The following AREL1 variants were observed in gnomAD, a reference collection of about 807,000 sequenced individuals.
AREL1 encodes the protein apoptosis-resistant E3 ubiquitin protein ligase 1.
In AREL1, 62 loss-of-function variants were observed where a neutral mutation model predicts 99.0. That is an observed-to-expected ratio of 0.63 (90% confidence interval 0.51 to 0.77). AREL1 has a LOEUF of 0.77. Among genes scored for constraint, AREL1 ranks in the 30% least tolerant of loss-of-function variants. The pLI is 0.00. For synonymous variants in AREL1, 380 were observed against 376.5 expected (o/e 1.01, Z -0.11); for missense variants, 879 against 1,027.6 (o/e 0.86, Z 1.98).
intron 17 of AREL1, among the ~76,000 whole-genome samples, chr14:74,665,261 CTTTCT>C (rs1330042391): frequency 2.0e-5 from 3 of 148,982 alleles, no homozygotes; most frequent in Non-Finnish European, 3.0e-5. Context: ...TCAGGTATTT[CTTTCT>C]TTTCTTTTTT....
intron 1 of AREL1, among the ~76,000 whole-genome samples, chr14:74,710,022 G>A (rs1424256569): frequency 1.3e-5 from 2 of 152,160 alleles, no homozygotes; most frequent in African/African-American, 4.8e-5. Context: ...CCTCTTGACT[G>A]CTGAGAAGGA....
intron 2 of AREL1, among the ~76,000 whole-genome samples, chr14:74,688,230 T>C (rs1276259101): frequency 6.6e-6 from 1 of 151,924 alleles, no homozygotes; most frequent in Non-Finnish European, 1.5e-5. Flanking sequence ...TTTCACTGTG[T>C]TAGCCAGGAT....
intron 17 of AREL1, among the ~76,000 whole-genome samples, chr14:74,665,179 C>T (rs2089186421): frequency 6.6e-6 from 1 of 152,038 alleles, no homozygotes; most frequent in African/African-American, 2.4e-5. Context: ...GTGTTGGTGG[C>T]CCTACCTGGG....
At chr14:74,704,596 C>CT (rs1210383386) in intron 1 of AREL1, among the ~76,000 whole-genome samples, 1 of 152,130 alleles carries the variant, frequency 6.6e-6, no homozygotes, top group Non-Finnish European at 1.5e-5. Context: ...CCCAGCTTTA[C>CT]TTTTCCCTTT....
chr14:74,678,356 A>G (rs942763292), intron 5 of AREL1: 12 of 363,818 alleles, frequency 3.3e-5, no homozygotes, highest in Non-Finnish European at 6.3e-5. Flanking sequence ...AAATTAGCTA[A>G]GCACGGTGGT....
chr14:74,696,935 T>C (rs1340836959), intron 1 of AREL1, among the ~76,000 whole-genome samples: 2 of 152,016 alleles, frequency 1.3e-5, no homozygotes, highest in Non-Finnish European at 2.9e-5. Flanking sequence ...CTGCACTCCA[T>C]CCTGGGTGAC....
chr14:74,711,583 A>G (rs1201008719), intron 1 of AREL1, among the ~76,000 whole-genome samples: 3 of 152,098 alleles, frequency 2.0e-5, no homozygotes, highest in Admixed American at 6.6e-5. Context: ...TTGGCATAAA[A>G]TTCCAACCCT....
At chr14:74,669,180 G>A (rs754000076) in intron 15 of AREL1, among the ~76,000 whole-genome samples, 1 of 152,168 alleles carries the variant, frequency 6.6e-6, no homozygotes, top group Non-Finnish European at 1.5e-5. Flanking sequence ...CAGGCCATGA[G>A]CCACTGCGCC....
At chr14:74,705,468 A>AT (rs1361068309) in intron 1 of AREL1, among the ~76,000 whole-genome samples, 1 of 152,198 alleles carries the variant, frequency 6.6e-6, no homozygotes, top group Non-Finnish European at 1.5e-5. Flanking sequence ...CCAAATCCAC[A>AT]TAAGACCTCT....
chr14:74,685,743 C>T (rs1220816641), intron 2 of AREL1, 83 bp from the exon 3 acceptor site: 11 of 1,249,652 alleles, frequency 8.8e-6, no homozygotes, highest in African/African-American at 4.6e-5. Context: ...GAGTGTATGG[C>T]GTGAGCCAAA....
intron 5 of AREL1, 101 bp from the exon 6 acceptor site, chr14:74,676,853 G>A: frequency 2.0e-6 from 2 of 985,928 alleles, no homozygotes; most frequent in Non-Finnish European, 2.7e-6. Flanking sequence ...CTGGAGTGCA[G>A]TGGCGCAATC....
At chr14:74,702,095 G>C (rs186241814) in intron 1 of AREL1, among the ~76,000 whole-genome samples, 31 of 152,328 alleles carry the variant, frequency 2.0e-4, no homozygotes, top group Middle Eastern at 3.4e-3. Flanking sequence ...GGCTTTTCCA[G>C]GCACATGGTA....
In AREL1 at chr14:74,676,011, G is replaced by T. The variant is rs1310945798; in HGVS notation, c.833-65C>A. On this transcript the variant is annotated intron_variant, in intron 7 of 19. Coordinates refer to ENST00000356357, the MANE Select transcript of AREL1 (RefSeq NM_001039479.2). ...GAGAAGAAAAAAATTACCTATCACA[G>T]GCTTTTAGTCCACAGGACAAGCCAA... The T allele has an allele frequency of 1.9e-6, 3 of 1,538,752 alleles. No homozygotes were observed. The African/African-American group carries it at 4.1e-5, about 21-fold the overall frequency.
chr14:74,670,283 T>C (rs1389094627), intron 13 of AREL1, 157 bp from the exon 14 acceptor site: 1 of 618,274 alleles, frequency 1.6e-6, no homozygotes, highest in African/African-American at 1.8e-5. Flanking sequence ...CACCACTGAG[T>C]AATTCAAAGT....
rs2090121586 is a variant in AREL1 at position 74,703,466 on chromosome 14, C to G, written c.-334+9467G>C. ...TCAAGGTGAGATTTGGGTGGGGACA[C>G]AGCCAAACCATATCAAAAGATAATG... On this transcript the variant is annotated intron_variant, in intron 1 of 19. Coordinates refer to ENST00000356357, the MANE Select transcript of AREL1 (RefSeq NM_001039479.2). Among the ~76,000 whole-genome samples, 4 of 152,144 alleles carry G rather than the reference C, an allele frequency of 2.6e-5. 1 individual carries two copies. The South Asian group carries it at 8.3e-4, about 31-fold the overall frequency.
rs1051471472 is a variant in AREL1, at chr14:74,676,637, G to A, written c.597C>T (p.Thr199=). The part of the protein sequence containing the change: ...IVPRDEYDNP[T]NNSMSLRDEH... Reference sequence around the variant, plus strand: ...CATCTCTCAAGGACATGGAATTGTTGGTGGGATTATCATACTCATCTCGGG... The same window carrying A: ...CATCTCTCAAGGACATGGAATTGTTAGTGGGATTATCATACTCATCTCGGG... Residue 199 remains threonine, a synonymous_variant, in exon 6 of 20, where the codon ACC becomes ACT. Transcript: ENST00000356357. 4 of 1,614,000 alleles carry A rather than the reference G, an allele frequency of 2.5e-6. No homozygotes were observed. The highest frequency in any genetic ancestry group is 3.4e-6 in the Non-Finnish European group (4 of 1,179,986).
At chr14:74,685,488 C>A in intron 3 of AREL1, 112 bp downstream of exon 3, 1 of 1,289,652 alleles carries the variant, frequency 7.8e-7, no homozygotes. Flanking sequence ...TCTGGCACGA[C>A]TAGAAATATT....
chr14:74,701,740 A>T (rs1209991805), intron 1 of AREL1: 1 of 152,214 alleles, frequency 6.6e-6, no homozygotes, highest in Non-Finnish European at 1.5e-5. Flanking sequence ...CCAAAGTATC[A>T]TCTGAGACAA....
intron 11 of AREL1, 95 bp downstream of exon 11, chr14:74,672,736 C>CAAACAA (rs138398700): frequency 2.4e-5 from 38 of 1,551,086 alleles, no homozygotes; most frequent in Admixed American, 1.3e-4. Flanking sequence ...CCCTATCTCC[C>CAAACAA]AAACAAAAAC....
Sources: gnomAD v4.1 joint callset for allele counts (sites outside exome capture counted in the v4.1 genomes callset) on GRCh38, gnomAD v4.1.1 for gene constraint, MANE v1.5 for transcripts, NCBI Gene and HGNC (gene_info 2026-07-23, HGNC 2026-07-21) for gene names.